The following ACVR1C variants were observed in gnomAD, a reference collection of about 807,000 sequenced individuals.
The protein encoded by ACVR1C is activin receptor type-1C.
In ACVR1C, 23 loss-of-function variants were observed where a neutral mutation model predicts 57.9. That is an observed-to-expected ratio of 0.40 (90% confidence interval 0.29 to 0.56). ACVR1C has a LOEUF of 0.56. ACVR1C is among the 20% of genes least tolerant of loss of function. The probability of loss-of-function intolerance (pLI) is 0.50; values close to 1 mark genes in which losing one functional copy is unlikely to be tolerated. For synonymous variants in ACVR1C, 214 were observed against 215.3 expected, an observed-to-expected ratio of 0.99 and a Z score of 0.05; for missense variants, 480 against 607.9, an observed-to-expected ratio of 0.79 and a Z score of 2.21.
chr2:157,608,703 A>G (rs1027944512), intron 1 of ACVR1C, among the ~76,000 whole-genome samples: 1 of 151,710 alleles, frequency 6.6e-6, no homozygotes, highest in Non-Finnish European at 1.5e-5. Context: ...TTCAATCTTG[A>G]TAGGCTGTAT....
intron 3 of ACVR1C, among the ~76,000 whole-genome samples, chr2:157,552,902 G>C (rs1461710403): frequency 1.3e-5 from 2 of 152,188 alleles, no homozygotes; most frequent in South Asian, 2.1e-4. Flanking sequence ...TTTTAACCAG[G>C]GGGTGTAGAA....
In ACVR1C at chr2:157,573,947, G is replaced by C. The variant is rs143732899; in HGVS notation, c.304+13240C>G. Among the ~76,000 whole-genome samples, 50 of 152,260 alleles carry C rather than the reference G, an allele frequency of 3.3e-4. No individual in the cohort carries two copies. The East Asian group carries it at 9.1e-3, about 28-fold the overall frequency. The stretch of plus-strand genomic sequence containing the variant: ...TATGCTAAAATATAACTAAACTATT[G>C]ATAGTGGGAACTCTAGGCCAGTGGA... On this transcript the variant is annotated intron_variant, in intron 2 of 8. Transcript: ENST00000243349.
At chr2:157,552,562 A>G (rs946424078) in intron 3 of ACVR1C, among the ~76,000 whole-genome samples, 3 of 152,204 alleles carry the variant, frequency 2.0e-5, no homozygotes, top group Admixed American at 2.0e-4. Context: ...TCTTATCCAC[A>G]TACATACATG....
At chr2:157,603,748 A>G (rs945719317) in intron 1 of ACVR1C, among the ~76,000 whole-genome samples, 1 of 152,144 alleles carries the variant, frequency 6.6e-6, no homozygotes, top group Non-Finnish European at 1.5e-5. Flanking sequence ...TTTCATTTCT[A>G]TCTACTTAAT....
At chr2:157,543,951 A>T (rs1687678788) in intron 5 of ACVR1C, among the ~76,000 whole-genome samples, 1 of 152,100 alleles carries the variant, frequency 6.6e-6, no homozygotes. Context: ...TATGGATAAG[A>T]TACAAAATAG....
chr2:157,557,191 A>G (rs1439352114), intron 2 of ACVR1C, among the ~76,000 whole-genome samples: 1 of 151,964 alleles, frequency 6.6e-6, no homozygotes, highest in East Asian at 1.9e-4. Flanking sequence ...GGAAGAAAGA[A>G]GGAGTGATGG....
intron 8 of ACVR1C, among the ~76,000 whole-genome samples, chr2:157,535,918 C>T (rs1163990093): frequency 6.6e-6 from 1 of 152,174 alleles, no homozygotes; most frequent in African/African-American, 2.4e-5. Flanking sequence ...CTCTAAGTTC[C>T]ATGATGACAG....
chr2:157,548,010 G>A (rs1046201015), intron 4 of ACVR1C, among the ~76,000 whole-genome samples: 2 of 152,108 alleles, frequency 1.3e-5, no homozygotes, highest in Non-Finnish European at 2.9e-5. Flanking sequence ...GTGTAAGGAA[G>A]GGATCCAGTT....
At chr2:157,603,410 T>C (rs1162450061) in intron 1 of ACVR1C, among the ~76,000 whole-genome samples, 2 of 152,128 alleles carry the variant, frequency 1.3e-5, no homozygotes, top group Admixed American at 1.3e-4. Flanking sequence ...ACCTCTAATC[T>C]GACTCAGCAA....
chr2:157,575,424 C>T (rs1043942809), intron 2 of ACVR1C, among the ~76,000 whole-genome samples: 5 of 152,186 alleles, frequency 3.3e-5, no homozygotes, highest in African/African-American at 7.2e-5. Flanking sequence ...TCAGCCACTG[C>T]GCCCAGCCTA....
At chr2:157,596,710 T>C (rs868393197) in intron 1 of ACVR1C, among the ~76,000 whole-genome samples, 2 of 152,242 alleles carry the variant, frequency 1.3e-5, no homozygotes, top group Non-Finnish European at 2.9e-5. Context: ...TCATAGCTAA[T>C]ATACAAATCT....
In ACVR1C at chr2:157,550,349, C is replaced by T; in HGVS notation, c.588G>A (p.Val196=). 2 of 1,614,164 alleles carry T rather than the reference C, an allele frequency of 1.2e-6. No homozygotes were observed. Among genetic ancestry groups the T allele is most frequent in the Non-Finnish European group, 1.7e-6 (2 of 1,180,030 alleles). Residue 196 remains valine, a synonymous_variant, in exon 4 of 9, where the codon GTG becomes GTA. Transcript: ENST00000243349. ...TACCTTTTCCTACTATTTCCTGAAG[C>T]ACAATCGTCCTTGCAATTGTCCTTT... ...LVQRTIARTI[V]LQEIVGKGRF...
chr2:157,543,165 C>A (rs1318996898), intron 5 of ACVR1C, among the ~76,000 whole-genome samples: 2 of 152,182 alleles, frequency 1.3e-5, no homozygotes, highest in Non-Finnish European at 2.9e-5. Flanking sequence ...ATTAGTACTG[C>A]TATGTGCTCA....
rs1177208696 is a variant in ACVR1C at position 157,531,969 on chromosome 2, T to C, written c.*1949A>G. On this transcript the variant is annotated 3_prime_UTR_variant, in exon 9 of 9. Coordinates refer to ENST00000243349, the MANE Select transcript of ACVR1C (RefSeq NM_145259.3). ...AATCCCTGAGGGCAGGACCTATCTA[T>C]CTTTGTATTCCCTCTTGTACCCGAT... 6.6e-6 allele frequency: 1 copy of C among 152,138 alleles called. No individual in the cohort carries two copies. Among genetic ancestry groups the C allele is most frequent in the Non-Finnish European group, 1.5e-5 (1 of 68,024 alleles). The allele number at this position is 152,138 out of a possible 1,614,324, so 9.4% of individuals were successfully genotyped here.
At chr2:157,534,088 T>G in intron 8 of ACVR1C, 45 bp from the exon 9 acceptor site, 1 of 1,419,146 alleles carries the variant, frequency 7.0e-7, no homozygotes, top group Non-Finnish European at 9.2e-7. Flanking sequence ...CTACTCTACA[T>G]AAAACAGAGC....
intron 4 of ACVR1C, 75 bp from the exon 5 acceptor site, chr2:157,544,687 G>A: frequency 7.7e-7 from 1 of 1,292,114 alleles, no homozygotes; most frequent in South Asian, 1.4e-5. Context: ...AAATATCAGT[G>A]TTTAATCTGT....
intron 5 of ACVR1C, among the ~76,000 whole-genome samples, chr2:157,543,307 C>T (rs1558969967): frequency 1.3e-5 from 2 of 152,172 alleles, no homozygotes; most frequent in South Asian, 2.1e-4. Flanking sequence ...ATCTGTGTGA[C>T]GCCATCTTTT....
chr2:157,550,527 T>A, intron 3 of ACVR1C, 135 bp from the exon 4 acceptor site: 3 of 761,088 alleles, frequency 3.9e-6, no homozygotes, highest in Non-Finnish European at 6.2e-6. Context: ...AAGGAATAAG[T>A]ACCATTATAG....
chr2:157,546,723 G>C (rs1389535658), intron 4 of ACVR1C, among the ~76,000 whole-genome samples: 1 of 152,072 alleles, frequency 6.6e-6, no homozygotes, highest in Admixed American at 6.6e-5. Context: ...AAAAAAAAGA[G>C]AAAAAGCATA....
Sources: gnomAD v4.1 joint callset for allele counts (sites outside exome capture counted in the v4.1 genomes callset) on GRCh38, gnomAD v4.1.1 for gene constraint, MANE v1.5 for transcripts, NCBI Gene and HGNC (gene_info 2026-07-23, HGNC 2026-07-21) for gene names.